Variants in PTGIR observed in about 807,000 individuals in gnomAD.
PTGIR encodes prostacyclin receptor.
In PTGIR, 16 loss-of-function variants were observed where a neutral mutation model predicts 17.6. That is an observed-to-expected ratio of 0.91 (90% CI 0.61 to 1.38). The LOEUF (loss-of-function observed/expected upper bound fraction) is 1.38, where lower values mean the gene tolerates loss of function less well. PTGIR is among the 40% of genes most tolerant of loss of function. The pLI is 0.00. For synonymous variants in PTGIR, 274 were observed against 255.4 expected (o/e 1.07, Z -0.69); for missense variants, 532 against 548.6 (o/e 0.97, Z 0.30).
At chr19:46,619,579 GAGAGAA>G (rs1489026087), downstream of PTGIR, among the ~76,000 whole-genome samples, 48 of 98,746 alleles carry the variant, frequency 4.9e-4, no homozygotes, top group Middle Eastern at 4.8e-3. Context: ...GAGAGAGAGA[GAGAGAA>G]AGAAAGAAAA....
intron 2 of PTGIR, 78 bp downstream of exon 2, chr19:46,623,380 C>G: frequency 3.5e-6 from 5 of 1,419,988 alleles, no homozygotes; most frequent in Non-Finnish European, 4.6e-6. Context: ...CCTCAGTCTC[C>G]CCATCTGTGA....
chr19:46,615,753 G>A (rs533972169), downstream of PTGIR, among the ~76,000 whole-genome samples: 13 of 151,598 alleles, frequency 8.6e-5, no homozygotes, highest in Admixed American at 7.2e-4. Flanking sequence ...TGATCCACCC[G>A]CCTCAGCCTC....
At chr19:46,613,859 A>G in the PTGIR span, among the ~76,000 whole-genome samples, 1 of 152,088 alleles carries the variant, frequency 6.6e-6, no homozygotes, top group Admixed American at 6.6e-5. Flanking sequence ...CTCGGATCCC[A>G]ACGCCCACGC....
At chr19:46,618,038 G>T (rs1315765343), downstream of PTGIR, among the ~76,000 whole-genome samples, 1 of 103,564 alleles carries the variant, frequency 9.7e-6, no homozygotes. Context: ...TTTTTGAGAC[G>T]GAGTCTGGCT....
rs2052729431 is a variant in PTGIR, at chr19:46,621,644, G to C, written c.797C>G (p.Pro266Arg). ...TIRCFTQAVA[P>R]DSSSEMGDLL... The stretch of plus-strand genomic sequence containing the variant: ...GTCCCCCATCTCACTGCTGCTGTCA[G>C]GGGCGACAGCCTGGGTGAAGCAGCG... Residue 266 changes from proline to arginine, a missense_variant, in exon 3 of 3, where the codon CCT becomes CGT. By Grantham distance (103) the Pro-to-Arg change is moderately radical. Coordinates refer to ENST00000291294, the MANE Select transcript of PTGIR (RefSeq NM_000960.4). This position sits in a 1 kb window ranked among gnomAD's most constrained non-coding sequence, Gnocchi z 4.8. 1 of 1,613,006 alleles carries C rather than the reference G, an allele frequency of 6.2e-7. No homozygotes were observed. Among genetic ancestry groups the C allele is most frequent in the East Asian group, 2.2e-5 (1 of 44,882 alleles).
chr19:46,621,896 T>G lies in PTGIR; in HGVS notation c.769-224A>C, dbSNP rs1362292941. 7.5e-7 allele frequency: 1 copy of G among 1,330,328 alleles called. No homozygotes were observed. Among genetic ancestry groups the G allele is most frequent in the Non-Finnish European group, 9.6e-7 (1 of 1,042,940 alleles). The allele number at this position is 1,330,328 out of a possible 1,614,324, so 82.4% of individuals were successfully genotyped here. On this transcript the variant is annotated intron_variant, in intron 2 of 2. Coordinates refer to ENST00000291294, the MANE Select transcript of PTGIR (RefSeq NM_000960.4). The surrounding 1 kb of genome is among the most constrained non-coding windows in gnomAD (Gnocchi z 4.8). ...AGGGGAGAGGGATGGGGGCCAGGTA[T>G]GTGGGTCCCCCCACCCTTGGAAGCT...
chr19:46,613,374 C>A, the PTGIR span, among the ~76,000 whole-genome samples: 2 of 143,718 alleles, frequency 1.4e-5, no homozygotes, highest in African/African-American at 5.2e-5. Flanking sequence ...CCTTCCCCCC[C>A]AGCCTAGGCT....
downstream of PTGIR, among the ~76,000 whole-genome samples, chr19:46,619,845 G>T (rs1972033865): frequency 6.6e-6 from 1 of 152,118 alleles, no homozygotes; most frequent in Non-Finnish European, 1.5e-5. Context: ...GGGGAACTGG[G>T]ACTGGCAGTG....
downstream of PTGIR, among the ~76,000 whole-genome samples, chr19:46,619,669 A>G (rs1972031007): frequency 6.6e-6 from 1 of 151,296 alleles, no homozygotes; most frequent in African/African-American, 2.5e-5. Flanking sequence ...AAAGAAAGAA[A>G]GAAAGAGGAT....
rs768400187 is a variant in PTGIR at position 46,624,056 on chromosome 19, G to A, written c.170C>T (p.Ala57Val). 23 of 1,537,344 alleles carry A rather than the reference G, an allele frequency of 1.5e-5. No individual in the cohort carries two copies. In the Admixed American group the frequency reaches 3.4e-4, roughly 23 times the overall value. ...SAFAVLVTGL[A>V]ATDLLGTSFL... ...GCTGGTGCCCAGCAGGTCGGTGGCC[G>A]CCAGTCCGGTCACCAGCACCGCGAA... Residue 57 changes from alanine to valine, a missense_variant, in exon 2 of 3, where the codon GCG becomes GTG. Ala to Val is a moderately conservative substitution (Grantham distance 64, BLOSUM62 0). Transcript: ENST00000291294.
downstream of PTGIR, among the ~76,000 whole-genome samples, chr19:46,619,570 A>AAT (rs1972018516): frequency 8.9e-5 from 12 of 134,210 alleles, no homozygotes; most frequent in Admixed American, 1.5e-4. Flanking sequence ...AGAGAGAGAG[A>AAT]GAGAGAGAGA....
chr19:46,623,470 G>A lies in PTGIR; in HGVS notation c.756C>T (p.Ser252=), dbSNP rs1216828276. Residue 252 remains serine, a synonymous_variant, in exon 2 of 3, where the codon TCC becomes TCT. Transcript: ENST00000291294. The part of the protein sequence containing the change: ...ALMTVVMAVC[S]LPLTIRCFTQ... ...GGAGGGGACTCACCGTGAGAGGCAG[G>A]GAGCACACGGCCATGACCACTGTCA... is the stretch of plus-strand genomic sequence containing the variant. The A allele has an allele frequency of 2.6e-6, 4 of 1,564,162 alleles. No homozygotes were observed. The South Asian group carries it at 4.7e-5, about 19-fold the overall frequency.
chr19:46,623,495 A>C lies in PTGIR; in HGVS notation c.731T>G (p.Met244Arg). Residue 244 changes from methionine to arginine, a missense_variant, in exon 2 of 3, where the codon ATG becomes AGG. Transcript: ENST00000291294. ...GGAGCACACGGCCATGACCACTGTC[A>C]TGAGGGCCAGCAGGATCAGGTGGTC... Reference protein sequence around the residue: ...EVDHLILLALMTVVMAVCSLP... With the variant: ...EVDHLILLALRTVVMAVCSLP... 1 of 1,579,784 alleles carries C rather than the reference A, an allele frequency of 6.3e-7. No homozygotes were observed. The highest frequency in any genetic ancestry group is 2.3e-5 in the East Asian group (1 of 43,604).
chr19:46,619,592 AAAAG>A (rs1259212899), downstream of PTGIR, among the ~76,000 whole-genome samples: 8 of 112,390 alleles, frequency 7.1e-5, no homozygotes, highest in African/African-American at 2.9e-4. Context: ...AGAAAGAAAG[AAAAG>A]AAAGAAAGGA....
chr19:46,615,024 AC>A, the PTGIR span, among the ~76,000 whole-genome samples: 4 of 151,330 alleles, frequency 2.6e-5, no homozygotes, highest in African/African-American at 9.7e-5. Flanking sequence ...TGTCTGCCCC[AC>A]CCCCCCAAAA....
rs866845298 is a variant in PTGIR at position 46,621,717 on chromosome 19, G to C, written c.769-45C>G. The C allele has an allele frequency of 6.4e-7, 1 of 1,568,836 alleles. No individual in the cohort carries two copies. Among genetic ancestry groups the C allele is most frequent in the African/African-American group, 1.4e-5 (1 of 74,070 alleles). On this transcript the variant is annotated intron_variant, in intron 2 of 2. Transcript: ENST00000291294. The surrounding 1 kb of genome is among the most constrained non-coding windows in gnomAD (Gnocchi z 4.8). ...GTCAAGGAGCACCCAGGAGTCCTCAGCCTCCCCACCCTGGCTCCCTCCTCC... is the reference window on the plus strand; with the variant it reads ...GTCAAGGAGCACCCAGGAGTCCTCACCCTCCCCACCCTGGCTCCCTCCTCC...
chr19:46,619,559 GA>G (rs1972017581), downstream of PTGIR, among the ~76,000 whole-genome samples: 1 of 83,862 alleles, frequency 1.2e-5, no homozygotes, highest in South Asian at 4.2e-4. Flanking sequence ...GAGAGAGAGA[GA>G]GAGAGAGAGA....
At chr19:46,623,434 C>T (rs1465604739) in intron 2 of PTGIR, 24 bp downstream of exon 2, 3 of 1,505,402 alleles carry the variant, frequency 2.0e-6, no homozygotes, top group East Asian at 2.4e-5. Context: ...CTCCCCACTC[C>T]TCCCAGCTCC....
At position 46,621,363 on chromosome 19, in the gene PTGIR, A is replaced by G; in HGVS notation, c.1078T>C (p.Leu360=). Residue 360 remains leucine, a synonymous_variant, in exon 3 of 3, where the codon TTG becomes CTG. Transcript: ENST00000291294. The surrounding 1 kb of genome is among the most constrained non-coding windows in gnomAD (Gnocchi z 4.8). The stretch of plus-strand genomic sequence containing the variant: ...CCGCTGGACTGCTGTGTGGGAGGCA[A>G]GGGCTCCACCTGCCCCTCGCCCCAA... The part of the protein sequence containing the change: ...SAWGEGQVEP[L]PPTQQSSGSA... 6.4e-7 allele frequency: 1 copy of G among 1,562,046 alleles called. No homozygotes were observed. Among genetic ancestry groups the G allele is most frequent in the Non-Finnish European group, 8.7e-7 (1 of 1,152,178 alleles).
Sources: allele counts gnomAD v4.1 joint callset (sites outside exome capture counted in the v4.1 genomes callset), GRCh38; gene constraint gnomAD v4.1.1; non-coding constraint Gnocchi (gnomAD v3.1); transcripts MANE v1.5; gene names NCBI Gene and HGNC (gene_info 2026-07-23, HGNC 2026-07-21).